FHL5: variants seen among roughly 807,000 people sequenced by gnomAD.
FHL5 encodes the protein four and a half LIM domains 5.
A neutral mutation model predicts 32.0 loss-of-function variants in FHL5; 33 were observed. That is an observed-to-expected ratio of 1.03 (90% CI 0.78 to 1.38). The LOEUF (loss-of-function observed/expected upper bound fraction) is 1.38. FHL5 is among the 40% of genes most tolerant of loss of function. The pLI is 0.00. For synonymous variants in FHL5, 114 were observed against 113.6 expected, an observed-to-expected ratio of 1.00 and a Z score of -0.02; for missense variants, 336 against 343.9, an observed-to-expected ratio of 0.98 and a Z score of 0.18.
intron 1 of FHL5, among the ~76,000 whole-genome samples, chr6:96,569,327 G>T (rs1770426529): frequency 1.3e-5 from 2 of 151,858 alleles, no homozygotes; most frequent in Non-Finnish European, 2.9e-5. Flanking sequence ...TATTAAATTT[G>T]TTAAGATTTG....
chr6:96,610,486 G>A, intron 4 of FHL5, 86 bp from the exon 5 acceptor site: 5 of 957,840 alleles, frequency 5.2e-6, no homozygotes, highest in Non-Finnish European at 7.9e-6. Context: ...TTTCTCCCCA[G>A]AGATACTAGG....
rs1291633069 is a variant in FHL5 at position 96,616,778 on chromosome 6, G to C, written c.*1006G>C. ...TCTAAAATTACATAAATGATTAATG[G>C]GCAGACATAAAAGTGGGCTTTAAAG... is the stretch of plus-strand genomic sequence containing the variant. On this transcript the variant is annotated 3_prime_UTR_variant, in exon 6 of 6. Transcript: ENST00000450218. 2 of 152,086 alleles carry C rather than the reference G, an allele frequency of 1.3e-5. No homozygotes were observed. Among genetic ancestry groups the C allele is most frequent in the Non-Finnish European group, 1.5e-5 (1 of 68,012 alleles). 9.4% of individuals were successfully genotyped at this position (152,086 alleles called of 1,614,324 possible).
At chr6:96,564,895 A>G (rs1183013617) in intron 1 of FHL5, among the ~76,000 whole-genome samples, 2 of 152,132 alleles carry the variant, frequency 1.3e-5, no homozygotes, top group Non-Finnish European at 2.9e-5. Context: ...GAAGAGAAGA[A>G]AGAGGTAGAG....
chr6:96,594,893 G>A (rs916391014), intron 1 of FHL5, among the ~76,000 whole-genome samples: 1 of 151,752 alleles, frequency 6.6e-6, no homozygotes. Context: ...TTCTTTTCCA[G>A]CAATACAAGG....
chr6:96,576,623 T>C (rs2127961174), intron 1 of FHL5, among the ~76,000 whole-genome samples: 1 of 152,370 alleles, frequency 6.6e-6, no homozygotes, highest in East Asian at 1.9e-4. Flanking sequence ...TTCAGGGAGC[T>C]GTTTGATAAC....
intron 1 of FHL5, among the ~76,000 whole-genome samples, chr6:96,579,753 A>G (rs1459922656): frequency 6.6e-6 from 1 of 152,198 alleles, no homozygotes; most frequent in Non-Finnish European, 1.5e-5. Flanking sequence ...CTTCATGTAT[A>G]TGACAAGGGA....
intron 2 of FHL5, 121 bp downstream of exon 2, chr6:96,603,893 A>G (rs536251780): frequency 4.5e-5 from 34 of 753,176 alleles, no homozygotes; most frequent in Admixed American, 3.0e-4. Flanking sequence ...ATATATAAGG[A>G]TCTTAAAAGT....
intron 1 of FHL5, among the ~76,000 whole-genome samples, chr6:96,575,664 AC>A (rs1770568877): frequency 6.6e-6 from 1 of 152,210 alleles, no homozygotes; most frequent in South Asian, 2.1e-4. Context: ...ATGAGTGAAT[AC>A]TTTCAAAAGA....
intron 1 of FHL5, 41 bp downstream of exon 1, chr6:96,563,396 T>C (rs1384253338): frequency 6.6e-6 from 1 of 152,148 alleles, no homozygotes; most frequent in Non-Finnish European, 1.5e-5. Flanking sequence ...TTTTGTTTTG[T>C]GGTATTTTGA....
At chr6:96,566,395 C>T (rs976436180) in intron 1 of FHL5, among the ~76,000 whole-genome samples, 3 of 151,798 alleles carry the variant, frequency 2.0e-5, no homozygotes, top group African/African-American at 7.3e-5. Context: ...AATCCATTCG[C>T]CTATTGATGG....
At position 96,610,575 on chromosome 6, in the gene FHL5, A is replaced by G. The variant is rs202188788; in HGVS notation, c.508A>G (p.Ile170Val). The G allele has an allele frequency of 4.8e-5, 77 of 1,612,866 alleles. 1 individual carries two copies. The highest frequency in any genetic ancestry group is 4.1e-5 in the Non-Finnish European group (48 of 1,179,138). The change falls in exon 5 of 6, where the codon ATA becomes GTA. Residue 170 changes from isoleucine to valine, a missense_variant. Physicochemically the swap from Ile to Val is conservative, Grantham distance 29. Transcript: ENST00000450218. Reference sequence around the variant, plus strand: ...CCTTTTCTGTGGTCTTTGGCAGGTGATAACTTCAGGTGGGATAACATTTTG... The same window carrying G: ...CCTTTTCTGTGGTCTTTGGCAGGTGGTAACTTCAGGTGGGATAACATTTTG... ...AHYCNFCKKV[I>V]TSGGITFCDQ...
rs1771386514 is a variant in FHL5, at chr6:96,610,703, C to T, written c.636C>T (p.Asp212=). The change falls in exon 5 of 6, where the codon GAC becomes GAT. Residue 212 remains aspartate (D), a synonymous_variant. Coordinates refer to ENST00000450218, the MANE Select transcript of FHL5 (RefSeq NM_001322466.2). ...MSRDDYPFCV[D]CYNHLYANKC... ...GAGACGACTATCCATTCTGCGTGGACTGCTACAACCATCTTTATGCCAACA... is the reference window on the plus strand; with the variant it reads ...GAGACGACTATCCATTCTGCGTGGATTGCTACAACCATCTTTATGCCAACA... The T allele has an allele frequency of 6.2e-7, 1 of 1,613,752 alleles. No individual in the cohort carries two copies. Among genetic ancestry groups the T allele is most frequent in the Non-Finnish European group, 8.5e-7 (1 of 1,179,742 alleles).
At chr6:96,592,189 C>G (rs9386653) in intron 1 of FHL5, among the ~76,000 whole-genome samples, 1 of 151,934 alleles carries the variant, frequency 6.6e-6, no homozygotes, top group African/African-American at 2.4e-5. Flanking sequence ...CTATGGGAGA[C>G]TGGGGCTTAT....
At chr6:96,569,318 A>G (rs1034276228) in intron 1 of FHL5, among the ~76,000 whole-genome samples, 1 of 151,902 alleles carries the variant, frequency 6.6e-6, no homozygotes, top group Admixed American at 6.6e-5. Flanking sequence ...TATGATTTCT[A>G]TTAAATTTGT....
At chr6:96,575,229 A>T (rs1193151647) in intron 1 of FHL5, among the ~76,000 whole-genome samples, 1 of 152,224 alleles carries the variant, frequency 6.6e-6, no homozygotes, top group Admixed American at 6.5e-5. Context: ...TACAACAAAC[A>T]GACCAAGAAT....
At chr6:96,584,102 G>A (rs974100136) in intron 1 of FHL5, among the ~76,000 whole-genome samples, 4 of 152,106 alleles carry the variant, frequency 2.6e-5, no homozygotes, top group African/African-American at 9.7e-5. Flanking sequence ...AGCATCCTTA[G>A]CCTTGAGGAG....
intron 1 of FHL5, among the ~76,000 whole-genome samples, chr6:96,564,060 A>G (rs1269876364): frequency 1.3e-5 from 2 of 152,176 alleles, no homozygotes; most frequent in Non-Finnish European, 2.9e-5. Context: ...TATTTTAGTC[A>G]TATCCTCTTT....
Position 96,616,062 on chromosome 6 carries a change from C to A in FHL5, c.*290C>A, listed in dbSNP as rs1771513858. The A allele has an allele frequency of 5.2e-6, 1 of 190,708 alleles. No homozygotes were observed. The allele number at this position is 190,708 out of a possible 1,614,324, so 11.8% of individuals were successfully genotyped here. ...TCATAATCAAATATATGACATATAC[C>A]TAGGAGCTGTGGATGTAATTACTGA... On this transcript the variant is annotated 3_prime_UTR_variant, in exon 6 of 6. Coordinates refer to ENST00000450218, the MANE Select transcript of FHL5 (RefSeq NM_001322466.2).
intron 1 of FHL5, among the ~76,000 whole-genome samples, chr6:96,573,761 TC>T (rs1770531329): frequency 6.6e-6 from 1 of 152,008 alleles, no homozygotes; most frequent in Non-Finnish European, 1.5e-5. Flanking sequence ...GACCTCATGA[TC>T]CGCCCACATC....
Sources: allele counts gnomAD v4.1 joint callset (sites outside exome capture counted in the v4.1 genomes callset), GRCh38; gene constraint gnomAD v4.1.1; transcripts MANE v1.5; gene names NCBI Gene and HGNC (gene_info 2026-07-23, HGNC 2026-07-21).